The following SLX4 variants were observed in gnomAD, a reference collection of about 807,000 sequenced individuals.
SLX4 encodes structure-specific endonuclease subunit SLX4.
SLX4 carries 112 observed loss-of-function variants against 146.2 expected under a neutral mutation model. The ratio of observed to expected loss-of-function variants is 0.77; its 90% CI spans 0.66 to 0.90. SLX4 has a LOEUF of 0.90. SLX4 is among the 40% of genes least tolerant of loss of function. The probability of loss-of-function intolerance (pLI) is 0.00; values close to 1 mark genes in which losing one functional copy is unlikely to be tolerated. For synonymous variants in SLX4, 1,061 were observed against 997.7 expected (o/e 1.06, Z -1.20); for missense variants, 2,563 against 2,392.7 (o/e 1.07, Z -1.49).
At chr16:3,606,302 C>T (rs900683478) in intron 3 of SLX4, among the ~76,000 whole-genome samples, 172 bp downstream of exon 3, 6 of 151,984 alleles carry the variant, frequency 3.9e-5, no homozygotes, top group Non-Finnish European at 7.4e-5. Flanking sequence ...GGGAAATGAT[C>T]CCAGAGACTC....
At position 3,584,761 on chromosome 16, in the gene SLX4, C is replaced by T; in HGVS notation, c.4739+8G>A. 6.2e-7 allele frequency: 1 copy of T among 1,608,212 alleles called. No individual in the cohort carries two copies. Among genetic ancestry groups the T allele is most frequent in the African/African-American group, 1.3e-5 (1 of 74,914 alleles). On this transcript the variant is annotated splice_region_variant and intron_variant, in intron 13 of 14. Coordinates refer to ENST00000294008, the MANE Select transcript of SLX4 (RefSeq NM_032444.4). Reference sequence around the variant, plus strand: ...CACTGTGGGCAACAAGCTTTGAAGACCGCCAACCTATCCAGTTCCTTCTTC... The same window carrying T: ...CACTGTGGGCAACAAGCTTTGAAGATCGCCAACCTATCCAGTTCCTTCTTC...
At chr16:3,586,180 A>G (rs908068126) in intron 12 of SLX4, among the ~76,000 whole-genome samples, 1 of 152,230 alleles carries the variant, frequency 6.6e-6, no homozygotes, top group African/African-American at 2.4e-5. Flanking sequence ...TGTCTACACG[A>G]AAACTTGCAC....
chr16:3,582,565 C>A lies in SLX4; in HGVS notation c.5282G>T (p.Arg1761Leu), dbSNP rs1205902549. The A allele has an allele frequency of 4.3e-6, 7 of 1,613,774 alleles. No homozygotes were observed. The East Asian group carries it at 1.6e-4, about 36-fold the overall frequency. Reference protein sequence around the residue: ...DTDEALRCYIRSKPALYQKVL... With the variant: ...DTDEALRCYILSKPALYQKVL... Reference sequence around the variant, plus strand: ...CTTCTGGTACAGGGCCGGCTTGGAGCGGATGTAGCACCTCAGCGCCTCGTC... The same window carrying A: ...CTTCTGGTACAGGGCCGGCTTGGAGAGGATGTAGCACCTCAGCGCCTCGTC... Residue 1761 changes from arginine (R) to leucine (L), a missense_variant, in exon 15 of 15, where the codon CGC becomes CTC. Arg to Leu is a moderately radical substitution (Grantham distance 102). Transcript: ENST00000294008.
rs2151123957 is a variant in SLX4, at chr16:3,590,388, T to C, written c.3250A>G (p.Arg1084Gly). ...GACAGCGTGAGGATGCTCCTGTCCC[T>C]TTTCTGCTTTGATGGCACAGCTGGA... is the stretch of plus-strand genomic sequence containing the variant. The part of the protein sequence containing the change: ...LSPAVPSKQK[R>G]DRSILTLSKE... Residue 1084 changes from arginine (R) to glycine (G), a missense_variant, in exon 12 of 15, where the codon AGG (arginine) becomes GGG (glycine). Physicochemically the swap from Arg to Gly is moderately radical, Grantham distance 125 (BLOSUM62 -2). Transcript: ENST00000294008. The surrounding 1 kb of genome is among the most constrained non-coding windows in gnomAD (Gnocchi z 4.8). 2.5e-6 allele frequency: 4 copies of C among 1,614,234 alleles called. No individual in the cohort carries two copies. Among genetic ancestry groups the C allele is most frequent in the Non-Finnish European group, 1.7e-6 (2 of 1,180,040 alleles).
At chr16:3,603,417 G>A (rs929215094) in intron 3 of SLX4, among the ~76,000 whole-genome samples, 4 of 152,226 alleles carry the variant, frequency 2.6e-5, no homozygotes, top group African/African-American at 9.6e-5. Flanking sequence ...AAGATACAGA[G>A]AGAACTGAGT....
Position 3,582,247 on chromosome 16 carries a change from A to G in SLX4, c.*95T>C. 9.5e-7 allele frequency: 1 copy of G among 1,055,066 alleles called. No individual in the cohort carries two copies. The highest frequency in any genetic ancestry group is 1.4e-6 in the Non-Finnish European group (1 of 723,120). 65.4% of individuals were successfully genotyped at this position (1,055,066 alleles called of 1,614,324 possible). A position where few individuals can be genotyped will look rare whatever the true frequency, so the allele number is the denominator to read the frequency against. On this transcript the variant is annotated 3_prime_UTR_variant, in exon 15 of 15. Transcript: ENST00000294008. ...TCCCCAGGCCCAGAAATGCCTGTGG[A>G]GGCCTGACCCACGCTGGGTGTCCCA...
At position 3,602,365 on chromosome 16, in the gene SLX4, G is replaced by A. The variant is rs185716220; in HGVS notation, c.761-58C>T. ...AACTCCAAAGACAAGCTCACCCTCA[G>A]ACCTCTGCTCTGTCAGCTCCTGCAG... On this transcript the variant is annotated intron_variant, in intron 3 of 14. Coordinates refer to ENST00000294008, the MANE Select transcript of SLX4 (RefSeq NM_032444.4). The A allele has an allele frequency of 4.4e-6, 7 of 1,594,134 alleles. No homozygotes were observed. The African/African-American group carries it at 9.4e-5, about 21-fold the overall frequency.
Position 3,590,054 on chromosome 16 carries a change from A to T in SLX4, c.3584T>A (p.Ile1195Asn). Residue 1195 changes from isoleucine (I) to asparagine (N), a missense_variant, in exon 12 of 15, where the codon ATT becomes AAT. Transcript: ENST00000294008. This position sits in a 1 kb window ranked among gnomAD's most constrained non-coding sequence, Gnocchi z 4.8. The part of the protein sequence containing the change: ...SPRSCELFSI[I>N]DVDADQEPSQ... ...AGGTTCCTGATCTGCATCAACATCA[A>T]TGATGGAAAACAGCTCACAGGACCT... 2 of 1,612,914 alleles carry T rather than the reference A, an allele frequency of 1.2e-6. No individual in the cohort carries two copies. Among genetic ancestry groups the T allele is most frequent in the Middle Eastern group, 3.3e-4 (2 of 6,062 alleles).
chr16:3,591,145 C>T lies in SLX4; in HGVS notation c.2493G>A (p.Glu831=), dbSNP rs2040588800. Reference sequence around the variant, plus strand: ...CGTGGTCCTTGGATTTCAACAAAGTCTCCGCTTCCTCCTCTTCATCTGCCC... The same window carrying T: ...CGTGGTCCTTGGATTTCAACAAAGTTTCCGCTTCCTCCTCTTCATCTGCCC... ...SMWADEEEEA[E]TLLKSKDHEE... Residue 831 remains glutamate (E), a synonymous_variant, in exon 12 of 15, where the codon GAG becomes GAA. Transcript: ENST00000294008. The T allele has an allele frequency of 6.2e-7, 1 of 1,614,124 alleles. No homozygotes were observed. The highest frequency in any genetic ancestry group is 1.1e-5 in the South Asian group (1 of 91,094).
At chr16:3,604,114 C>A (rs919924814) in intron 3 of SLX4, among the ~76,000 whole-genome samples, 2 of 151,754 alleles carry the variant, frequency 1.3e-5, no homozygotes, top group Admixed American at 6.6e-5. Context: ...TGCTTGTAAT[C>A]CCAGCTACTC....
At position 3,582,729 on chromosome 16, in the gene SLX4, T is replaced by C. The variant is rs557790161; in HGVS notation, c.5154-36A>G. The C allele has an allele frequency of 2.6e-6, 4 of 1,565,780 alleles. No homozygotes were observed. The Admixed American group carries it at 6.9e-5, about 27-fold the overall frequency. On this transcript the variant is annotated intron_variant, in intron 14 of 14. Coordinates refer to ENST00000294008, the MANE Select transcript of SLX4 (RefSeq NM_032444.4). ...CCAGACCAGGACGTTGTGCAACCCC[T>C]TTCTCTCCAGCCCCTGAGACCATGA...
Position 3,581,991 on chromosome 16 carries a change from C to A in SLX4, c.*351G>T, listed in dbSNP as rs886975991. 1.6e-5 allele frequency: 5 copies of A among 319,170 alleles called. No homozygotes were observed. The South Asian group carries it at 2.7e-4, about 17-fold the overall frequency. The allele number at this position is 319,170 out of a possible 1,614,324, so 19.8% of individuals were successfully genotyped here. ...CCGGGAGGCGGAGGTTGCAGTGAGC[C>A]GAGATTGTGCCACTGCACTCCAGCC... On this transcript the variant is annotated 3_prime_UTR_variant, in exon 15 of 15. Coordinates refer to ENST00000294008, the MANE Select transcript of SLX4 (RefSeq NM_032444.4).
intron 3 of SLX4, among the ~76,000 whole-genome samples, chr16:3,605,174 C>A (rs2040769104): frequency 6.6e-6 from 1 of 152,052 alleles, no homozygotes; most frequent in African/African-American, 2.4e-5. Flanking sequence ...ACTGCAAGCT[C>A]TGTCTCCCAG....
Position 3,590,793 on chromosome 16 carries a change from G to C in SLX4, c.2845C>G (p.Pro949Ala). The change falls in exon 12 of 15, where the codon CCA (proline) becomes GCA (alanine). Residue 949 changes from proline to alanine, a missense_variant. Pro to Ala is a conservative substitution (Grantham distance 27). Coordinates refer to ENST00000294008, the MANE Select transcript of SLX4 (RefSeq NM_032444.4). This position sits in a 1 kb window ranked among gnomAD's most constrained non-coding sequence, Gnocchi z 4.8. Reference protein sequence around the residue: ...RGAEAPEQEAPEEALGHSSCS... With the variant: ...RGAEAPEQEAAEEALGHSSCS... Reference sequence around the variant, plus strand: ...CTGGAATGGCCAAGCGCCTCCTCTGGCGCCTCCTGCTCAGGGGCCTCTGCT... The same window carrying C: ...CTGGAATGGCCAAGCGCCTCCTCTGCCGCCTCCTGCTCAGGGGCCTCTGCT... The C allele has an allele frequency of 6.2e-7, 1 of 1,614,008 alleles. No homozygotes were observed.
chr16:3,600,849 G>C (rs1596529656), intron 5 of SLX4, 130 bp downstream of exon 5: 1 of 943,922 alleles, frequency 1.1e-6, no homozygotes, highest in East Asian at 2.6e-5. Context: ...GCCCACCTTG[G>C]CCTCCCAAAG....
rs752948857 is a variant in SLX4 at position 3,590,596 on chromosome 16, C to T, written c.3042G>A (p.Arg1014=). 8 of 1,613,748 alleles carry T rather than the reference C, an allele frequency of 5.0e-6. No homozygotes were observed. The Admixed American group carries it at 1.3e-4, about 27-fold the overall frequency. ...CCAGGCGATGAGAAACCTCCAGCCC[C>T]CTTTCCCTGACAGCGCCACTTTGTT... The part of the protein sequence containing the change: ...PEEQSGAVRE[R]GLEVSHRLAP... The change falls in exon 12 of 15, where the codon AGG becomes AGA. Residue 1014 remains arginine, a synonymous_variant. Coordinates refer to ENST00000294008, the MANE Select transcript of SLX4 (RefSeq NM_032444.4). The surrounding 1 kb of genome is among the most constrained non-coding windows in gnomAD (Gnocchi z 4.8).
At position 3,589,941 on chromosome 16, in the gene SLX4, C is replaced by G. The variant is rs765551771; in HGVS notation, c.3697G>C (p.Gly1233Arg). ...CGGTCACAGAACAGCCAGGGAGCCC[C>G]TCTCCTGCCCAAAGAGCCCCGATTC... ...PENRGSLGRRGAPWLFCDRES... is the reference protein window; with the variant it reads ...PENRGSLGRRRAPWLFCDRES... The change falls in exon 12 of 15, where the codon GGG (glycine) becomes CGG (arginine). Residue 1233 changes from glycine to arginine, a missense_variant. By Grantham distance (125) the Gly-to-Arg change is moderately radical. Coordinates refer to ENST00000294008, the MANE Select transcript of SLX4 (RefSeq NM_032444.4). The surrounding 1 kb of genome is among the most constrained non-coding windows in gnomAD (Gnocchi z 6.2). 1 of 1,613,880 alleles carries G rather than the reference C, an allele frequency of 6.2e-7. No homozygotes were observed. Among genetic ancestry groups the G allele is most frequent in the Admixed American group, 1.7e-5 (1 of 60,004 alleles).
rs2151139252 is a variant in SLX4 at position 3,608,551 on chromosome 16, A to G, written c.414T>C (p.Asn138=). ...WQASEPAHSV[N]GEGGVLASAP... ...CAGAGGCAAGCACACCCCCCTCCCC[A>G]TTCACAGAGTGGGCCGGTTCACTTG... The change falls in exon 2 of 15, where the codon AAT becomes AAC. Residue 138 remains asparagine, a synonymous_variant. Coordinates refer to ENST00000294008, the MANE Select transcript of SLX4 (RefSeq NM_032444.4). 1 of 1,614,062 alleles carries G rather than the reference A, an allele frequency of 6.2e-7. No individual in the cohort carries two copies. The highest frequency in any genetic ancestry group is 8.5e-7 in the Non-Finnish European group (1 of 1,180,004).
Position 3,597,605 on chromosome 16 carries a change from C to G in SLX4, c.1457G>C (p.Arg486Pro), listed in dbSNP as rs558236399. Residue 486 changes from arginine to proline, a missense_variant, in exon 7 of 15, where the codon CGT (arginine) becomes CCT (proline). Coordinates refer to ENST00000294008, the MANE Select transcript of SLX4 (RefSeq NM_032444.4). This position sits in a 1 kb window ranked among gnomAD's most constrained non-coding sequence, Gnocchi z 4.4. ...SETTGRQIED[R>P]VALLLSEEVE... ...TTCCTCAGAGAGGAGCAGGGCCACA[C>G]GGTCCTCTATCTGTCGGCCTGTGGT... 1 of 1,614,116 alleles carries G rather than the reference C, an allele frequency of 6.2e-7. No homozygotes were observed. Among genetic ancestry groups the G allele is most frequent in the Non-Finnish European group, 8.5e-7 (1 of 1,180,026 alleles).
Sources: allele counts gnomAD v4.1 joint callset (sites outside exome capture counted in the v4.1 genomes callset), GRCh38; gene constraint gnomAD v4.1.1; non-coding constraint Gnocchi (gnomAD v3.1); transcripts MANE v1.5; gene names NCBI Gene and HGNC (gene_info 2026-07-23, HGNC 2026-07-21).